Variants in ACTR3C observed in about 807,000 individuals in gnomAD.
The protein encoded by ACTR3C is actin-related protein 3C.
ACTR3C carries 18 observed loss-of-function variants against 26.3 expected under a neutral mutation model. The observed-to-expected ratio is 0.68, with a 90% CI of 0.47 to 1.01. ACTR3C has a LOEUF of 1.01. ACTR3C is among the 50% of genes least tolerant of loss of function. The pLI is 0.00. For synonymous variants in ACTR3C, 55 were observed against 94.5 expected (o/e 0.58, Z 2.42); for missense variants, 184 against 250.7 (o/e 0.73, Z 1.80).
chr7:150,159,489 T>G, the ACTR3C span, among the ~76,000 whole-genome samples: 2 of 152,150 alleles, frequency 1.3e-5, no homozygotes, highest in Non-Finnish European at 2.9e-5. Flanking sequence ...ACAACGTCTC[T>G]GTCTAAATTC....
chr7:150,068,845 T>C, the ACTR3C span, among the ~76,000 whole-genome samples: 1 of 147,080 alleles, frequency 6.8e-6, no homozygotes, highest in African/African-American at 2.5e-5. Context: ...TTAGCAAGGA[T>C]ACCCAATGAT....
At chr7:149,890,304 AG>A in the ACTR3C span, among the ~76,000 whole-genome samples, 7 of 150,634 alleles carry the variant, frequency 4.6e-5, no homozygotes, top group Non-Finnish European at 1.0e-4. Context: ...CTTGATGAAA[AG>A]AGCATCTCAC....
chr7:150,136,499 G>A, the ACTR3C span, among the ~76,000 whole-genome samples: 2 of 151,804 alleles, frequency 1.3e-5, no homozygotes, highest in Non-Finnish European at 2.9e-5. Context: ...GTGAAACCCC[G>A]TCTCTACTAA....
chr7:150,047,864 C>G, the ACTR3C span: 2 of 1,489,722 alleles, frequency 1.3e-6, no homozygotes, highest in Non-Finnish European at 1.8e-6. Flanking sequence ...TCGGGCACCG[C>G]GCTCCTGCTG....
chr7:150,302,877 C>G (rs1584972056), intron 1 of ACTR3C: 1 of 152,202 alleles, frequency 6.6e-6, no homozygotes, highest in Non-Finnish European at 1.5e-5. Flanking sequence ...GGAGACGCAG[C>G]ACATCTTGCC....
chr7:150,067,098 C>G, the ACTR3C span, among the ~76,000 whole-genome samples: 7 of 152,238 alleles, frequency 4.6e-5, no homozygotes, highest in African/African-American at 1.7e-4. Context: ...CACAAGGTCA[C>G]CTCTTCATGA....
the ACTR3C span, among the ~76,000 whole-genome samples, chr7:150,198,495 C>T: frequency 2.8e-5 from 4 of 142,814 alleles, no homozygotes; most frequent in Non-Finnish European, 6.0e-5. Flanking sequence ...TCTGCCCCGC[C>T]GCCCCATCTG....
chr7:150,243,567 G>A (rs1273464882), downstream of ACTR3C, among the ~76,000 whole-genome samples: 2 of 151,952 alleles, frequency 1.3e-5, no homozygotes, highest in Non-Finnish European at 2.9e-5. Context: ...TATCCATGGG[G>A]AATTAGTTCC....
At chr7:150,041,806 C>G in the ACTR3C span, among the ~76,000 whole-genome samples, 979 of 122,764 alleles carry the variant, frequency 8.0e-3, 10 homozygotes, top group African/African-American at 0.029. Context: ...TGCCTCCCCC[C>G]CTGCGATGGG....
the ACTR3C span, among the ~76,000 whole-genome samples, chr7:149,959,901 C>T: frequency 3.3e-5 from 5 of 152,108 alleles, no homozygotes; most frequent in Admixed American, 2.0e-4. Context: ...GTTCTCCCAA[C>T]CCTATCTATA....
chr7:149,941,617 C>T, the ACTR3C span, among the ~76,000 whole-genome samples: 1 of 152,200 alleles, frequency 6.6e-6, no homozygotes, highest in Admixed American at 6.5e-5. Context: ...CTAGCAACCT[C>T]CTGATCCTGT....
chr7:150,309,881 G>T (rs183964878), intron 1 of ACTR3C, among the ~76,000 whole-genome samples: 1 of 152,206 alleles, frequency 6.6e-6, no homozygotes, highest in East Asian at 1.9e-4. Context: ...CCGAGCTTCG[G>T]GTAACTTTTA....
chr7:149,896,719 G>T, the ACTR3C span, among the ~76,000 whole-genome samples: 4 of 151,826 alleles, frequency 2.6e-5, no homozygotes, highest in African/African-American at 9.7e-5. Flanking sequence ...AAAGTTAACT[G>T]ACCTGAAATC....
chr7:150,115,987 G>A, the ACTR3C span, among the ~76,000 whole-genome samples: 3 of 152,198 alleles, frequency 2.0e-5, no homozygotes, highest in Non-Finnish European at 2.9e-5. Context: ...ACAGATCACA[G>A]CTTTGTTTTT....
chr7:149,998,134 A>G, the ACTR3C span, among the ~76,000 whole-genome samples: 2 of 150,810 alleles, frequency 1.3e-5, no homozygotes, highest in African/African-American at 4.9e-5. Flanking sequence ...GCCCTCAGTA[A>G]CATAAAGAGA....
chr7:150,055,751 T>G, the ACTR3C span, among the ~76,000 whole-genome samples: 1 of 152,154 alleles, frequency 6.6e-6, no homozygotes, highest in Admixed American at 6.5e-5. Context: ...TTTCCCATCT[T>G]GCCAGAACAT....
At chr7:149,934,224 C>T in the ACTR3C span, among the ~76,000 whole-genome samples, 1 of 152,142 alleles carries the variant, frequency 6.6e-6, no homozygotes. Flanking sequence ...AAGTTCCACT[C>T]GACCCTAGCA....
the ACTR3C span, among the ~76,000 whole-genome samples, chr7:150,214,042 G>A: frequency 6.7e-6 from 1 of 148,918 alleles, no homozygotes; most frequent in African/African-American, 2.5e-5. Flanking sequence ...GGCTACAAGA[G>A]GATAAAAGAA....
At chr7:150,116,221 A>G in the ACTR3C span, among the ~76,000 whole-genome samples, 2 of 152,260 alleles carry the variant, frequency 1.3e-5, no homozygotes, top group African/African-American at 2.4e-5. Flanking sequence ...TCAGCAGAAC[A>G]GGAGTCTGTA....
Sources: gnomAD v4.1 joint callset for allele counts (sites outside exome capture counted in the v4.1 genomes callset) on GRCh38, gnomAD v4.1.1 for gene constraint, MANE v1.5 for transcripts, NCBI Gene and HGNC (gene_info 2026-07-23, HGNC 2026-07-21) for gene names.